Variants in ZNF777 observed in about 807,000 individuals in gnomAD.
The protein encoded by ZNF777 is zinc finger protein 777.
Under a neutral mutation model 72.1 loss-of-function variants are expected in ZNF777, and 7 were observed. The observed-to-expected ratio is 0.10, with a 90% CI of 0.06 to 0.18. The LOEUF (loss-of-function observed/expected upper bound fraction) is 0.18. Ranked by LOEUF, ZNF777 falls within the 10% of genes least tolerant of loss-of-function variation. The pLI is 1.00. For missense variants in ZNF777, 828 were observed against 1,128.6 expected (o/e 0.73, Z 3.82); for synonymous variants, 545 against 483.5 (o/e 1.13, Z -1.67).
chr7:149,436,944 G>C lies in ZNF777; in HGVS notation c.1088-118C>G. 5 of 1,296,204 alleles carry C rather than the reference G, an allele frequency of 3.9e-6. No homozygotes were observed. The highest frequency in any genetic ancestry group is 5.3e-6 in the Non-Finnish European group (5 of 947,318). 80.3% of individuals were successfully genotyped at this position (1,296,204 alleles called of 1,614,324 possible). A position where few individuals can be genotyped will look rare whatever the true frequency, so the allele number is the denominator to read the frequency against. Reference sequence around the variant, plus strand: ...CAATAAGTCTTATCTTAGAGACCCTGAAGAAATGTAATATTGAGTTGGAAA... The same window carrying C: ...CAATAAGTCTTATCTTAGAGACCCTCAAGAAATGTAATATTGAGTTGGAAA... On this transcript the variant is annotated intron_variant, in intron 4 of 5. Coordinates refer to ENST00000247930, the MANE Select transcript of ZNF777 (RefSeq NM_015694.3). This position sits in a 1 kb window ranked among gnomAD's most constrained non-coding sequence, Gnocchi z 5.0.
At chr7:149,449,174 G>A (rs1585699018) in intron 4 of ZNF777, among the ~76,000 whole-genome samples, 1 of 152,236 alleles carries the variant, frequency 6.6e-6, no homozygotes, top group East Asian at 1.9e-4. Flanking sequence ...GCACAGAGGT[G>A]CGAGTGTGCG....
chr7:149,450,525 A>G (rs1051586269), intron 4 of ZNF777, among the ~76,000 whole-genome samples: 4 of 152,220 alleles, frequency 2.6e-5, no homozygotes, highest in Admixed American at 6.5e-5. Flanking sequence ...GCCTCTGGTC[A>G]GTCTCGCTGG....
chr7:149,432,896 T>C lies in ZNF777; in HGVS notation c.1376A>G (p.Glu459Gly). ...IVIKTEEQDEEEEEEEEDELP... is the reference protein window; with the variant it reads ...IVIKTEEQDEGEEEEEEDELP... ...CTCATCCTCCTCCTCCTCTTCTTCC[T>C]CCTCGTCTTGTTCCTCTGTCTTGAT... Residue 459 changes from glutamate to glycine, a missense_variant, in exon 6 of 6, where the codon GAG (glutamate) becomes GGG (glycine). Glu to Gly is a moderately conservative substitution (Grantham distance 98). Around this residue, in one of 12 missense-constraint regions of ZNF777, gnomAD observed 219 missense variants for 223.0 expected, o/e 0.98. Transcript: ENST00000247930. The C allele has an allele frequency of 6.6e-7, 1 of 1,523,856 alleles. No individual in the cohort carries two copies. The highest frequency in any genetic ancestry group is 1.3e-5 in the South Asian group (1 of 75,442). 94.4% of individuals were successfully genotyped at this position (1,523,856 alleles called of 1,614,324 possible).
intron 1 of ZNF777, chr7:149,459,635 C>T: frequency 2.0e-6 from 2 of 985,148 alleles, no homozygotes; most frequent in Non-Finnish European, 2.4e-6. Context: ...CTGGGGCTGC[C>T]GCACCGTGCC....
chr7:149,457,361 C>T (rs2116610599), intron 1 of ZNF777, among the ~76,000 whole-genome samples: 1 of 152,348 alleles, frequency 6.6e-6, no homozygotes, highest in African/African-American at 2.4e-5. Flanking sequence ...TGCTCAGTCA[C>T]TATGCTCTAT....
At chr7:149,433,284 ACCAGTACACAGAG>A (rs1447315092) in intron 5 of ZNF777, among the ~76,000 whole-genome samples, 5 of 152,202 alleles carry the variant, frequency 3.3e-5, no homozygotes, top group African/African-American at 1.2e-4. Flanking sequence ...AAAGAAGGAA[ACCAGTACACAGAG>A]CCGATGTGGG....
intron 4 of ZNF777, among the ~76,000 whole-genome samples, chr7:149,437,622 G>A (rs1364185431): frequency 6.6e-6 from 1 of 152,074 alleles, no homozygotes; most frequent in Non-Finnish European, 1.5e-5. Flanking sequence ...ACATAAATGG[G>A]ATTATAACAT....
chr7:149,431,853 G>C lies in ZNF777; in HGVS notation c.2419C>G (p.Pro807Ala), dbSNP rs778480852. Residue 807 changes from proline (P) to alanine (A), a missense_variant, in exon 6 of 6, where the codon CCC (proline) becomes GCC (alanine). Coordinates refer to ENST00000247930, the MANE Select transcript of ZNF777 (RefSeq NM_015694.3). ...AAGCACTTGGCGCAGTGCGTGCAGG[G>C]GTAGGGCCGCTCGCCCGTGTGCGCG... ...QRAHTGERPY[P>A]CTHCAKCFRY... 16 of 1,605,064 alleles carry C rather than the reference G, an allele frequency of 1.0e-5. No individual in the cohort carries two copies. Among genetic ancestry groups the C allele is most frequent in the Non-Finnish European group, 1.3e-5 (15 of 1,179,314 alleles).
intron 3 of ZNF777, among the ~76,000 whole-genome samples, chr7:149,452,003 C>A (rs769706119): frequency 6.6e-6 from 1 of 152,190 alleles, no homozygotes; most frequent in Non-Finnish European, 1.5e-5. Context: ...CAGTGGCTCA[C>A]GCCTGTAATC....
intron 4 of ZNF777, among the ~76,000 whole-genome samples, chr7:149,439,058 C>G (rs576924086): frequency 1.3e-5 from 2 of 152,208 alleles, no homozygotes; most frequent in East Asian, 3.9e-4. Flanking sequence ...TACACTGGCT[C>G]AAAGTCACCA....
At chr7:149,444,840 G>A (rs1490908758) in intron 4 of ZNF777, among the ~76,000 whole-genome samples, 4 of 152,290 alleles carry the variant, frequency 2.6e-5, no homozygotes, top group Admixed American at 1.3e-4. Context: ...CTGAAATTCC[G>A]TGCTGAAAGT....
In ZNF777 at chr7:149,436,855, G is replaced by C; in HGVS notation, c.1088-29C>G. 1 of 1,592,546 alleles carries C rather than the reference G, an allele frequency of 6.3e-7. No individual in the cohort carries two copies. On this transcript the variant is annotated intron_variant, in intron 4 of 5. Transcript: ENST00000247930. This position sits in a 1 kb window ranked among gnomAD's most constrained non-coding sequence, Gnocchi z 5.0. ...AGAGAGGGTGGGCAGGGGTGAGGAG[G>C]AGAAAAGAACCCAGAATGTTCATGC...
chr7:149,448,011 T>A (rs1420383143), intron 4 of ZNF777, among the ~76,000 whole-genome samples: 1 of 152,206 alleles, frequency 6.6e-6, no homozygotes, highest in Non-Finnish European at 1.5e-5. Flanking sequence ...AAACTTATGG[T>A]TTCAAAACTC....
At chr7:149,444,996 T>A (rs1273953838) in intron 4 of ZNF777, among the ~76,000 whole-genome samples, 1 of 152,198 alleles carries the variant, frequency 6.6e-6, no homozygotes, top group Non-Finnish European at 1.5e-5. Context: ...ATTCCTATTA[T>A]CTGGATGTTG....
intron 4 of ZNF777, among the ~76,000 whole-genome samples, chr7:149,444,364 T>C (rs756713487): frequency 1.3e-5 from 2 of 152,186 alleles, no homozygotes; most frequent in African/African-American, 4.8e-5. Flanking sequence ...TTCAAATATA[T>C]TGGGTATTTA....
chr7:149,446,832 C>T (rs542547397), intron 4 of ZNF777, among the ~76,000 whole-genome samples: 32 of 152,272 alleles, frequency 2.1e-4, no homozygotes, highest in African/African-American at 7.2e-4. Flanking sequence ...CAGGCTGCCA[C>T]CTCCACTAAG....
intron 4 of ZNF777, among the ~76,000 whole-genome samples, chr7:149,441,325 G>GA (rs200767361): frequency 1.3e-5 from 2 of 152,054 alleles, no homozygotes; most frequent in Non-Finnish European, 2.9e-5. Context: ...ATTAGAAAGG[G>GA]AAAAAAGCTA....
chr7:149,440,581 C>G (rs1050922650), intron 4 of ZNF777, among the ~76,000 whole-genome samples: 3 of 151,316 alleles, frequency 2.0e-5, no homozygotes, highest in Non-Finnish European at 4.4e-5. Flanking sequence ...TGGTCTCAAA[C>G]ACCTGGACTC....
intron 4 of ZNF777, among the ~76,000 whole-genome samples, chr7:149,439,798 C>A (rs1194636379): frequency 1.3e-5 from 2 of 152,012 alleles, no homozygotes; most frequent in African/African-American, 4.8e-5. Context: ...CTTAAGTTAT[C>A]CTTAGTGATT....
Sources: allele counts gnomAD v4.1 joint callset (sites outside exome capture counted in the v4.1 genomes callset), GRCh38; gene constraint gnomAD v4.1.1; regional missense constraint gnomAD v4.1.1; non-coding constraint Gnocchi (gnomAD v3.1); transcripts MANE v1.5; gene names NCBI Gene and HGNC (gene_info 2026-07-23, HGNC 2026-07-21).